Variants in AHCYL2 observed in about 807,000 individuals in gnomAD.
AHCYL2 encodes adenosylhomocysteinase like 2, also known as S-adenosylhomocysteine hydrolase-like protein 2.
AHCYL2 carries 28 observed loss-of-function variants against 81.4 expected under a neutral mutation model. The observed-to-expected ratio is 0.34, with a 90% CI of 0.25 to 0.47. The LOEUF is 0.47. AHCYL2 is among the 20% of genes least tolerant of loss of function. The probability of loss-of-function intolerance (pLI) is 1.00; values close to 1 mark genes in which losing one functional copy is unlikely to be tolerated. For synonymous variants in AHCYL2, 272 were observed against 290.2 expected, an observed-to-expected ratio of 0.94 and a Z score of 0.64; for missense variants, 551 against 785.1, an observed-to-expected ratio of 0.70 and a Z score of 3.56.
At chr7:129,375,211 A>G (rs911278963) in intron 1 of AHCYL2, among the ~76,000 whole-genome samples, 16 of 152,210 alleles carry the variant, frequency 1.1e-4, no homozygotes, top group African/African-American at 3.9e-4. Context: ...ATTCAGAGGA[A>G]AGCAGTGAAC....
intron 2 of AHCYL2, among the ~76,000 whole-genome samples, chr7:129,382,019 A>G (rs1794979134): frequency 6.6e-6 from 1 of 152,202 alleles, no homozygotes; most frequent in South Asian, 2.1e-4. Context: ...GACTCTGACT[A>G]GAAATGCCTA....
chr7:129,320,394 G>A (rs1199736577), intron 1 of AHCYL2, among the ~76,000 whole-genome samples: 1 of 152,176 alleles, frequency 6.6e-6, no homozygotes, highest in South Asian at 2.1e-4. Context: ...CTCGGCTACT[G>A]CAACCTCTGC....
intron 1 of AHCYL2, among the ~76,000 whole-genome samples, chr7:129,247,607 T>TC (rs1324524648): frequency 3.3e-5 from 5 of 151,404 alleles, no homozygotes; most frequent in Non-Finnish European, 5.9e-5. Flanking sequence ...ATTGTACTTT[T>TC]TTTTTCCCCC....
At chr7:129,330,131 G>A (rs1475408180) in intron 1 of AHCYL2, among the ~76,000 whole-genome samples, 1 of 152,184 alleles carries the variant, frequency 6.6e-6, no homozygotes, top group East Asian at 1.9e-4. Flanking sequence ...AGCCTCCTGA[G>A]TAGCTGGGAC....
intron 1 of AHCYL2, among the ~76,000 whole-genome samples, chr7:129,346,242 T>TA (rs1156912098): frequency 2.0e-5 from 3 of 152,144 alleles, no homozygotes; most frequent in Non-Finnish European, 4.4e-5. Context: ...AGAGCAGAGT[T>TA]AAAGTCCTGT....
At chr7:129,282,967 G>A (rs1333144072) in intron 1 of AHCYL2, among the ~76,000 whole-genome samples, 1 of 152,072 alleles carries the variant, frequency 6.6e-6, no homozygotes, top group East Asian at 1.9e-4. Flanking sequence ...TGTTAATTAC[G>A]GGGTTTTCCA....
intron 1 of AHCYL2, among the ~76,000 whole-genome samples, chr7:129,344,046 A>G (rs80257584): frequency 0.013 from 2,013 of 152,284 alleles, 55 homozygotes; most frequent in African/African-American, 0.047. Context: ...ACTCAACACC[A>G]CGAGAGAAGT....
chr7:129,321,743 G>GTTTTTTTTTTTTTTTTTTTTTTTGTTTTT, intron 1 of AHCYL2, among the ~76,000 whole-genome samples: 1 of 77,626 alleles, frequency 1.3e-5, no homozygotes, highest in Non-Finnish European at 2.5e-5. Context: ...TTCTTTCTTT[G>GTTTTTTTTTTTTTTTTTTTTTTTGTTTTT]TTTTTTTTTT....
intron 1 of AHCYL2, among the ~76,000 whole-genome samples, chr7:129,227,059 G>A (rs897785477): frequency 3.3e-5 from 5 of 152,166 alleles, no homozygotes; most frequent in African/African-American, 1.2e-4. Flanking sequence ...TGGATTTGAA[G>A]CCTAGTACCC....
intron 1 of AHCYL2, among the ~76,000 whole-genome samples, chr7:129,371,942 A>G (rs573178082): frequency 2.6e-5 from 4 of 152,342 alleles, no homozygotes; most frequent in East Asian, 3.9e-4. Flanking sequence ...AGTAGAGACA[A>G]AAATCTCCAA....
At chr7:129,327,897 G>T (rs1022016651) in intron 1 of AHCYL2, among the ~76,000 whole-genome samples, 1 of 151,984 alleles carries the variant, frequency 6.6e-6, no homozygotes, top group Non-Finnish European at 1.5e-5. Flanking sequence ...AGGCTCAAGC[G>T]ATCCTCCTGA....
chr7:129,402,659 C>T (rs1023977994), intron 6 of AHCYL2, among the ~76,000 whole-genome samples: 11 of 152,142 alleles, frequency 7.2e-5, no homozygotes, highest in African/African-American at 2.4e-4. Flanking sequence ...GTGGGCACAG[C>T]GTTGTGTTTA....
intron 12 of AHCYL2, among the ~76,000 whole-genome samples, chr7:129,417,688 A>G (rs1354512607): frequency 6.6e-6 from 1 of 152,230 alleles, no homozygotes; most frequent in Non-Finnish European, 1.5e-5. Context: ...CTTTGGTGAT[A>G]GTGTCACAGG....
chr7:129,421,606 C>G (rs1797121790), intron 12 of AHCYL2, among the ~76,000 whole-genome samples: 1 of 152,186 alleles, frequency 6.6e-6, no homozygotes, highest in Admixed American at 6.5e-5. Context: ...TGAAACTTGA[C>G]ATTTCAAGAA....
intron 1 of AHCYL2, among the ~76,000 whole-genome samples, chr7:129,334,303 G>A (rs150687012): frequency 6.6e-6 from 1 of 152,272 alleles, no homozygotes; most frequent in East Asian, 1.9e-4. Context: ...CTACCTTCAT[G>A]CAGTCCTCTC....
intron 1 of AHCYL2, among the ~76,000 whole-genome samples, chr7:129,292,588 GA>G (rs1796905506): frequency 6.6e-6 from 1 of 152,100 alleles, no homozygotes; most frequent in Non-Finnish European, 1.5e-5. Context: ...CCAACATGGT[GA>G]AACCCCATCT....
chr7:129,271,359 C>CAAAAA (rs3042852), intron 1 of AHCYL2, among the ~76,000 whole-genome samples: 1 of 86,824 alleles, frequency 1.2e-5, no homozygotes. Flanking sequence ...AGACTGTCTC[C>CAAAAA]AAAAAAAAAA....
chr7:129,227,907 C>T (rs1794286900), intron 1 of AHCYL2, among the ~76,000 whole-genome samples: 1 of 152,188 alleles, frequency 6.6e-6, no homozygotes, highest in Non-Finnish European at 1.5e-5. Flanking sequence ...AAATTCAGGG[C>T]ATTGCTGAGC....
chr7:129,327,740 A>G (rs940761685), intron 1 of AHCYL2, among the ~76,000 whole-genome samples: 1 of 152,246 alleles, frequency 6.6e-6, no homozygotes, highest in African/African-American at 2.4e-5. Context: ...CTGAGATTAC[A>G]GGCGTGAGCC....
Sources: gnomAD v4.1 joint callset for allele counts (sites outside exome capture counted in the v4.1 genomes callset) on GRCh38, gnomAD v4.1.1 for gene constraint, MANE v1.5 for transcripts, NCBI Gene and HGNC (gene_info 2026-07-23, HGNC 2026-07-21) for gene names.